MTMR2: variants seen among roughly 807,000 people sequenced by gnomAD.
MTMR2 encodes myotubularin related protein 2.
In MTMR2, 55 loss-of-function variants were observed where a neutral mutation model predicts 86.9. The ratio of observed to expected loss-of-function variants is 0.63; its 90% CI spans 0.51 to 0.79. The LOEUF (loss-of-function observed/expected upper bound fraction) is 0.79, where lower values mean the gene tolerates loss of function less well. MTMR2 is among the 30% of genes least tolerant of loss of function. The pLI, the probability that MTMR2 is intolerant of heterozygous loss-of-function variation, is 0.00. For synonymous variants in MTMR2, 241 were observed against 266.8 expected (o/e 0.90, Z 0.94); for missense variants, 659 against 772.3 (o/e 0.85, Z 1.74).
intron 2 of MTMR2, among the ~76,000 whole-genome samples, chr11:95,868,272 CTAAA>C (rs1227003787): frequency 9.5e-5 from 2 of 20,956 alleles, no homozygotes; most frequent in Non-Finnish European, 1.4e-4. Flanking sequence ...AGACCCTGTG[CTAAA>C]AAAAAAAAAA....
chr11:95,912,718 A>C (rs1866556446), intron 1 of MTMR2, among the ~76,000 whole-genome samples: 1 of 152,036 alleles, frequency 6.6e-6, no homozygotes, highest in East Asian at 1.9e-4. Context: ...GTGAATATCA[A>C]CTATAAAATA....
intron 7 of MTMR2, among the ~76,000 whole-genome samples, chr11:95,856,270 T>C (rs1864208953): frequency 6.6e-6 from 1 of 151,686 alleles, no homozygotes; most frequent in African/African-American, 2.4e-5. Flanking sequence ...AAGGAAAACC[T>C]ACCTTTCAGT....
chr11:95,849,779 G>A lies in MTMR2; in HGVS notation c.888C>T (p.Ser296=), dbSNP rs1465850292. Residue 296 remains serine (S), a synonymous_variant, in exon 9 of 15, where the codon AGC becomes AGT. Coordinates refer to ENST00000346299, the MANE Select transcript of MTMR2 (RefSeq NM_016156.6). ...QPMVGVSGKR[S]KEDEKYLQAI... Reference sequence around the variant, plus strand: ...CTTGAAGGTATTTTTCATCTTCTTTGCTTCGCTTTCCACTCACTCCAACCA... The same window carrying A: ...CTTGAAGGTATTTTTCATCTTCTTTACTTCGCTTTCCACTCACTCCAACCA... 6.2e-7 allele frequency: 1 copy of A among 1,614,068 alleles called. No individual in the cohort carries two copies. The highest frequency in any genetic ancestry group is 1.7e-5 in the Admixed American group (1 of 60,010).
At chr11:95,874,102 C>T (rs1484643713) in intron 2 of MTMR2, among the ~76,000 whole-genome samples, 1 of 152,016 alleles carries the variant, frequency 6.6e-6, no homozygotes, top group Non-Finnish European at 1.5e-5. Flanking sequence ...CTGTAGATGT[C>T]TATTAGGTCT....
At chr11:95,870,500 T>C (rs1447553451) in intron 2 of MTMR2, among the ~76,000 whole-genome samples, 1 of 152,282 alleles carries the variant, frequency 6.6e-6, no homozygotes, top group East Asian at 1.9e-4. Context: ...AGGAATATGA[T>C]ACATTGGAAA....
chr11:95,889,064 A>G (rs547871658), intron 1 of MTMR2, among the ~76,000 whole-genome samples: 24 of 152,242 alleles, frequency 1.6e-4, no homozygotes, highest in Admixed American at 9.8e-4. Flanking sequence ...ACCCTGCCTG[A>G]AGTATCTACT....
chr11:95,858,472 T>G (rs1287015969), intron 6 of MTMR2, 59 bp downstream of exon 6: 2 of 1,163,420 alleles, frequency 1.7e-6, no homozygotes, highest in Admixed American at 3.4e-5. Flanking sequence ...CTAGACAAGT[T>G]TCTTTATACG....
intron 2 of MTMR2, 32 bp downstream of exon 2, chr11:95,888,124 A>G: frequency 6.8e-7 from 1 of 1,462,548 alleles, no homozygotes. Flanking sequence ...AACAGAAAGT[A>G]CTTCATCAGA....
rs1032725624 is a variant in MTMR2, at chr11:95,885,422, A to G, written c.186+2734T>C. On this transcript the variant is annotated intron_variant, in intron 2 of 14. Coordinates refer to ENST00000346299, the MANE Select transcript of MTMR2 (RefSeq NM_016156.6). ...TGATGATTCTAGAACTGAGGGAGGAAATATATATTATGAGTCTGGAGCATC... is the reference window on the plus strand; with the variant it reads ...TGATGATTCTAGAACTGAGGGAGGAGATATATATTATGAGTCTGGAGCATC... Among the ~76,000 whole-genome samples the G allele has an allele frequency of 3.9e-5, 6 of 152,202 alleles. 1 individual carries two copies. The highest frequency in any genetic ancestry group is 4.2e-4 in the South Asian group (2 of 4,818).
chr11:95,867,793 G>C (rs1256060270), intron 2 of MTMR2, among the ~76,000 whole-genome samples: 2 of 119,486 alleles, frequency 1.7e-5, no homozygotes, highest in Non-Finnish European at 3.5e-5. Context: ...CAGGAGAAAA[G>C]AGACTAGGAA....
At position 95,888,001 on chromosome 11, in the gene MTMR2, T is replaced by C. The variant is rs518550; in HGVS notation, c.186+155A>G. 0.056 allele frequency among the ~76,000 whole-genome samples: 8,584 copies of C among 152,254 alleles called. 785 individuals are homozygous for C. The highest frequency in any genetic ancestry group is 0.19 in the African/African-American group (8,081 of 41,504). On this transcript the variant is annotated intron_variant, in intron 2 of 14. Transcript: ENST00000346299. ...TTTTTCTTTTACAAATAAGTAAGCA[T>C]TCCAAATTTGCTGGCCTATTCTGGG...
At chr11:95,877,332 C>CTTTTTT (rs764782930) in intron 2 of MTMR2, among the ~76,000 whole-genome samples, 7 of 106,292 alleles carry the variant, frequency 6.6e-5, no homozygotes, top group Admixed American at 2.3e-4. Context: ...CAGGGAAGCC[C>CTTTTTT]TTTTTTTTTT....
intron 1 of MTMR2, chr11:95,923,566 T>C: frequency 1.2e-6 from 1 of 862,726 alleles, no homozygotes; most frequent in Non-Finnish European, 1.5e-6. Flanking sequence ...GGAACTGTCT[T>C]AAAAAAGGTT....
chr11:95,849,099 G>A (rs1282934730), intron 9 of MTMR2, among the ~76,000 whole-genome samples: 2 of 152,062 alleles, frequency 1.3e-5, no homozygotes, highest in African/African-American at 2.4e-5. Flanking sequence ...CTGTAGTTAT[G>A]TCTTCTCTCT....
intron 13 of MTMR2, among the ~76,000 whole-genome samples, 168 bp from the exon 14 acceptor site, chr11:95,836,492 A>T (rs1863293372): frequency 6.6e-6 from 1 of 151,984 alleles, no homozygotes; most frequent in Non-Finnish European, 1.5e-5. Context: ...GTACTGGAAA[A>T]CAGTATGCAG....
rs373288455 is a variant in MTMR2, at chr11:95,849,654, T to A, written c.993+20A>T. 17 of 1,609,584 alleles carry A rather than the reference T, an allele frequency of 1.1e-5. No individual in the cohort carries two copies. In the African/African-American group the frequency reaches 1.9e-4, roughly 18 times the overall value. Reference sequence around the variant, plus strand: ...CTGATTCATGAAACCATAATTATAATTACTAAGAGACCATCTGACCTTGTT... The same window carrying A: ...CTGATTCATGAAACCATAATTATAAATACTAAGAGACCATCTGACCTTGTT... On this transcript the variant is annotated intron_variant, in intron 9 of 14. Coordinates refer to ENST00000346299, the MANE Select transcript of MTMR2 (RefSeq NM_016156.6).
At chr11:95,892,896 A>C (rs549023117) in intron 1 of MTMR2, among the ~76,000 whole-genome samples, 15 of 152,224 alleles carry the variant, frequency 9.9e-5, no homozygotes, top group African/African-American at 3.4e-4. Flanking sequence ...TTCCCTGCAG[A>C]CTTTAATAAG....
chr11:95,840,364 G>T (rs1474476091), intron 12 of MTMR2, among the ~76,000 whole-genome samples: 1 of 152,072 alleles, frequency 6.6e-6, no homozygotes, highest in African/African-American at 2.4e-5. Context: ...CAAAAGTGGG[G>T]TCCTAATGTT....
At chr11:95,873,905 TTGAG>T (rs1299632514) in intron 2 of MTMR2, among the ~76,000 whole-genome samples, 1 of 152,216 alleles carries the variant, frequency 6.6e-6, no homozygotes, top group African/African-American at 2.4e-5. Context: ...TTGAGTGGTT[TTGAG>T]TGAGTTTCTT....
Sources: gnomAD v4.1 joint callset for allele counts (sites outside exome capture counted in the v4.1 genomes callset) on GRCh38, gnomAD v4.1.1 for gene constraint, MANE v1.5 for transcripts, NCBI Gene and HGNC (gene_info 2026-07-23, HGNC 2026-07-21) for gene names.